Variants in MGMT observed in about 807,000 individuals in gnomAD.
MGMT encodes the protein O-6-methylguanine-DNA methyltransferase.
Under a neutral mutation model 15.9 loss-of-function variants are expected in MGMT, and 14 were observed. The observed-to-expected ratio is 0.88, with a 90% CI of 0.58 to 1.37. The LOEUF (loss-of-function observed/expected upper bound fraction) is 1.37, where lower values mean the gene tolerates loss of function less well. Among genes scored for constraint, MGMT ranks in the 40% most tolerant of loss-of-function variants. MGMT has a pLI of 0.00. For synonymous variants in MGMT, 130 were observed against 118.2 expected (o/e 1.10, Z -0.65); for missense variants, 282 against 268.1 (o/e 1.05, Z -0.36).
intron 3 of MGMT, among the ~76,000 whole-genome samples, chr10:129,733,841 G>C (rs1173166915): frequency 5.3e-5 from 8 of 152,106 alleles, no homozygotes; most frequent in East Asian, 1.9e-4. Context: ...GCTTGTTTTT[G>C]TCAGGTTTGT....
chr10:129,525,263 AAAGAG>A (rs1274008689), intron 1 of MGMT, among the ~76,000 whole-genome samples: 13 of 152,202 alleles, frequency 8.5e-5, no homozygotes, highest in African/African-American at 9.7e-5. Flanking sequence ...TATATGTACC[AAAGAG>A]AAGAGTTCAG....
intron 2 of MGMT, among the ~76,000 whole-genome samples, chr10:129,627,700 G>A (rs1847166453): frequency 1.3e-5 from 2 of 152,122 alleles, no homozygotes; most frequent in Admixed American, 1.3e-4. Context: ...TTCATATTTG[G>A]CTCTTGTATA....
At chr10:129,600,125 T>G (rs540654672) in intron 2 of MGMT, among the ~76,000 whole-genome samples, 1 of 152,304 alleles carries the variant, frequency 6.6e-6, no homozygotes, top group East Asian at 1.9e-4. Context: ...TCTGTCTAAG[T>G]CAGTAGTATC....
chr10:129,629,511 G>A (rs1001089376), intron 2 of MGMT, among the ~76,000 whole-genome samples: 2 of 152,194 alleles, frequency 1.3e-5, no homozygotes, highest in Non-Finnish European at 2.9e-5. Flanking sequence ...GCGTGGGATG[G>A]GGTCTTAGCT....
chr10:129,610,379 C>A (rs1846945084), intron 2 of MGMT, among the ~76,000 whole-genome samples: 1 of 152,248 alleles, frequency 6.6e-6, no homozygotes. Flanking sequence ...CACTGTGCTC[C>A]AGCCATGCTG....
intron 2 of MGMT, among the ~76,000 whole-genome samples, chr10:129,558,553 C>T (rs1385425263): frequency 6.6e-6 from 1 of 152,220 alleles, no homozygotes; most frequent in East Asian, 1.9e-4. Context: ...TGTGTGTTTT[C>T]ACCAAGTTAG....
chr10:129,581,989 A>AG (rs1205472833), intron 2 of MGMT, among the ~76,000 whole-genome samples: 1 of 152,178 alleles, frequency 6.6e-6, no homozygotes, highest in African/African-American at 2.4e-5. Context: ...TCTGTGCAGG[A>AG]GGCTGTCCAG....
At chr10:129,749,947 AT>A (rs1360324442) in intron 3 of MGMT, among the ~76,000 whole-genome samples, 2 of 152,048 alleles carry the variant, frequency 1.3e-5, no homozygotes, top group African/African-American at 4.8e-5. Flanking sequence ...AGACTTGCCC[AT>A]TTTTTAATTG....
chr10:129,707,926 C>T lies in MGMT; in HGVS notation c.157C>T (p.Leu53Phe). 6.2e-7 allele frequency: 1 copy of T among 1,612,426 alleles called. No homozygotes were observed. Among genetic ancestry groups the T allele is most frequent in the Non-Finnish European group, 8.5e-7 (1 of 1,179,998 alleles). Residue 53 changes from leucine (L) to phenylalanine (F), a missense_variant, in exon 3 of 5, where the codon CTC (leucine) becomes TTC (phenylalanine). Physicochemically the swap from Leu to Phe is conservative, Grantham distance 22. Transcript: ENST00000651593. ...GGAGGTCCCAGCCCCCGCTGCGGTT[C>T]TCGGAGGTCCGGAGCCCCTGATGCA... Reference protein sequence around the residue: ...AVEVPAPAAVLGGPEPLMQCT... With the variant: ...AVEVPAPAAVFGGPEPLMQCT...
At chr10:129,743,740 T>A (rs1392208872) in intron 3 of MGMT, among the ~76,000 whole-genome samples, 2 of 152,236 alleles carry the variant, frequency 1.3e-5, no homozygotes, top group African/African-American at 4.8e-5. Flanking sequence ...GCCATTGTTT[T>A]CACTTAAACC....
At chr10:129,491,104 C>T (rs564418883) in intron 1 of MGMT, among the ~76,000 whole-genome samples, 1 of 152,130 alleles carries the variant, frequency 6.6e-6, no homozygotes, top group East Asian at 1.9e-4. Flanking sequence ...CAGTGCTCTC[C>T]ATTGGTTCTC....
In MGMT at chr10:129,707,926, C is replaced by G; in HGVS notation, c.157C>G (p.Leu53Val). The G allele has an allele frequency of 2.5e-6, 4 of 1,612,426 alleles. No homozygotes were observed. Among genetic ancestry groups the G allele is most frequent in the Non-Finnish European group, 3.4e-6 (4 of 1,179,998 alleles). The stretch of plus-strand genomic sequence containing the variant: ...GGAGGTCCCAGCCCCCGCTGCGGTT[C>G]TCGGAGGTCCGGAGCCCCTGATGCA... ...AVEVPAPAAV[L>V]GGPEPLMQCT... Residue 53 changes from leucine to valine, a missense_variant, in exon 3 of 5, where the codon CTC (leucine) becomes GTC (valine). Coordinates refer to ENST00000651593, the MANE Select transcript of MGMT (RefSeq NM_002412.5).
intron 1 of MGMT, among the ~76,000 whole-genome samples, chr10:129,530,394 CTTTT>C (rs201022203): frequency 1.3e-5 from 2 of 152,186 alleles, no homozygotes; most frequent in Non-Finnish European, 2.9e-5. Flanking sequence ...GTGTGGTTTA[CTTTT>C]TGTGGGTAAT....
chr10:129,517,741 C>T (rs1845754849), intron 1 of MGMT, among the ~76,000 whole-genome samples: 1 of 152,160 alleles, frequency 6.6e-6, no homozygotes, highest in Non-Finnish European at 1.5e-5. Context: ...TGGGCTGAGG[C>T]CCAGACCAGC....
At chr10:129,509,724 T>C (rs1179201506) in intron 1 of MGMT, among the ~76,000 whole-genome samples, 1 of 152,274 alleles carries the variant, frequency 6.6e-6, no homozygotes, top group Non-Finnish European at 1.5e-5. Flanking sequence ...CATGGGATTC[T>C]GGGATACAGA....
intron 2 of MGMT, among the ~76,000 whole-genome samples, chr10:129,619,953 C>T (rs1847072499): frequency 1.3e-5 from 2 of 151,966 alleles, no homozygotes; most frequent in Admixed American, 1.3e-4. Flanking sequence ...TACTCTCTTT[C>T]TACTTTCTAA....
intron 2 of MGMT, among the ~76,000 whole-genome samples, chr10:129,549,192 G>A (rs56254135): frequency 0.033 from 5,000 of 152,260 alleles, 132 homozygotes; most frequent in South Asian, 0.063. Flanking sequence ...ATTTCCTTCA[G>A]TTCTTCTTCA....
intron 2 of MGMT, among the ~76,000 whole-genome samples, chr10:129,656,565 C>T (rs111549443): frequency 1.3e-5 from 2 of 152,142 alleles, no homozygotes; most frequent in Non-Finnish European, 2.9e-5. Flanking sequence ...TGACACGTGC[C>T]CCAGGTGGTC....
At chr10:129,660,841 C>T (rs559434162) in intron 2 of MGMT, among the ~76,000 whole-genome samples, 1 of 152,184 alleles carries the variant, frequency 6.6e-6, no homozygotes, top group South Asian at 2.1e-4. Flanking sequence ...TAGGGAGTAT[C>T]TCTTTCTGGG....
Sources: allele counts gnomAD v4.1 joint callset (sites outside exome capture counted in the v4.1 genomes callset), GRCh38; gene constraint gnomAD v4.1.1; transcripts MANE v1.5; gene names NCBI Gene and HGNC (gene_info 2026-07-23, HGNC 2026-07-21).